MARK3: variants seen among roughly 807,000 people sequenced by gnomAD.
The protein encoded by MARK3 is MAP/microtubule affinity-regulating kinase 3.
MARK3 carries 46 observed loss-of-function variants against 90.1 expected under a neutral mutation model. That is an observed-to-expected ratio of 0.51 (90% CI 0.40 to 0.65). The LOEUF (loss-of-function observed/expected upper bound fraction) is 0.65. MARK3 is among the 30% of genes least tolerant of loss of function. MARK3 has a pLI of 0.00. For missense variants in MARK3, 818 were observed against 947.2 expected, an observed-to-expected ratio of 0.86 and a Z score of 1.79; for synonymous variants, 321 against 332.6, an observed-to-expected ratio of 0.97 and a Z score of 0.38.
At chr14:103,462,705 A>G (rs890670851) in intron 7 of MARK3, among the ~76,000 whole-genome samples, 1 of 152,216 alleles carries the variant, frequency 6.6e-6, no homozygotes, top group African/African-American at 2.4e-5. Context: ...CAGTCATCAC[A>G]CAGCCAAACA....
chr14:103,466,737 G>A (rs1024204337), intron 10 of MARK3, among the ~76,000 whole-genome samples: 1 of 152,186 alleles, frequency 6.6e-6, no homozygotes, highest in African/African-American at 2.4e-5. Context: ...GGGCGTGGTG[G>A]CTCACGCCTG....
intron 13 of MARK3, among the ~76,000 whole-genome samples, chr14:103,477,962 A>G (rs1365130178): frequency 6.7e-6 from 1 of 149,498 alleles, no homozygotes; most frequent in Non-Finnish European, 1.5e-5. Context: ...TCACATCACC[A>G]TATTCCAGCC....
intron 1 of MARK3, among the ~76,000 whole-genome samples, chr14:103,392,160 G>A (rs1566755154): frequency 6.6e-6 from 1 of 152,154 alleles, no homozygotes; most frequent in African/African-American, 2.4e-5. Flanking sequence ...CTGTTGTCTA[G>A]TCAGTCATCG....
intron 12 of MARK3, among the ~76,000 whole-genome samples, chr14:103,471,868 G>T (rs1017674135): frequency 6.6e-6 from 1 of 152,052 alleles, no homozygotes; most frequent in African/African-American, 2.4e-5. Context: ...AATTAATTTG[G>T]ATCAATTTCT....
Position 103,462,450 on chromosome 14 carries a change from C to A in MARK3, c.529C>A (p.Arg177=). The A allele has an allele frequency of 6.2e-7, 1 of 1,603,618 alleles. No individual in the cohort carries two copies. The change falls in exon 7 of 18, where the codon CGA becomes AGA. Residue 177 remains arginine, a synonymous_variant. Transcript: ENST00000429436. ...CTGCCATCAGAAACGGATCGTACAT[C>A]GAGACCTCAAGGTGAGTAGAAGTGC... The part of the protein sequence containing the change: ...QYCHQKRIVH[R]DLKAENLLLD...
Position 103,431,098 on chromosome 14 carries a change from G to GT in MARK3, c.297+2665dup, listed in dbSNP as rs539349072. On this transcript the variant is annotated intron_variant, in intron 3 of 17. Coordinates refer to ENST00000429436, the MANE Select transcript of MARK3 (RefSeq NM_001128918.3). ...TGTTTGTTCGTTTGTTTTTGTTTTTGTTTTTTTGAGATGGAGTCTCGCTCT... is the reference window on the plus strand; with the variant it reads ...TGTTTGTTCGTTTGTTTTTGTTTTTGTTTTTTTTGAGATGGAGTCTCGCTCT... Among the ~76,000 whole-genome samples, 134 of 151,896 alleles carry GT rather than the reference G, an allele frequency of 8.8e-4. 1 individual carries two copies. The highest frequency in any genetic ancestry group is 3.1e-3 in the African/African-American group (127 of 41,420).
intron 2 of MARK3, among the ~76,000 whole-genome samples, chr14:103,413,366 G>A (rs1167529592): frequency 2.0e-5 from 3 of 150,340 alleles, no homozygotes; most frequent in Non-Finnish European, 4.4e-5. Flanking sequence ...TTGCATTTGG[G>A]AAACTTTTGA....
At chr14:103,412,513 C>T (rs1447737869) in intron 2 of MARK3, 6 of 521,702 alleles carry the variant, frequency 1.2e-5, no homozygotes, top group Middle Eastern at 5.7e-4. Context: ...CCTCAGTGTC[C>T]ACTTGGGGGG....
chr14:103,474,447 G>A (rs1283079888), intron 12 of MARK3, among the ~76,000 whole-genome samples: 4 of 121,308 alleles, frequency 3.3e-5, no homozygotes, highest in East Asian at 2.7e-4. Context: ...GACCTCCACC[G>A]ACTTCCTCCC....
intron 14 of MARK3, 46 bp from the exon 15 acceptor site, chr14:103,491,731 T>A: frequency 6.3e-7 from 1 of 1,591,658 alleles, no homozygotes; most frequent in Non-Finnish European, 8.6e-7. Flanking sequence ...GACTGTAAAT[T>A]TTTGTATATC....
intron 2 of MARK3, chr14:103,412,207 G>T: frequency 1.0e-6 from 1 of 981,812 alleles, no homozygotes; most frequent in Non-Finnish European, 1.6e-6. Context: ...GTGACACCAA[G>T]AAGTTAACAG....
At chr14:103,434,829 G>A (rs2092675946) in intron 3 of MARK3, among the ~76,000 whole-genome samples, 1 of 152,134 alleles carries the variant, frequency 6.6e-6, no homozygotes, top group African/African-American at 2.4e-5. Flanking sequence ...TAATATTTTA[G>A]CAGCGTTTTT....
intron 14 of MARK3, among the ~76,000 whole-genome samples, chr14:103,487,557 A>G (rs2093951604): frequency 6.6e-6 from 1 of 152,018 alleles, no homozygotes; most frequent in East Asian, 2.0e-4. Context: ...CTTTGGGACC[A>G]TTTGTATTCA....
At chr14:103,390,854 G>T (rs972429854) in intron 1 of MARK3, among the ~76,000 whole-genome samples, 1 of 151,966 alleles carries the variant, frequency 6.6e-6, no homozygotes, top group East Asian at 1.9e-4. Context: ...GACTACAGGC[G>T]TGCCCCACCA....
At chr14:103,488,113 A>G (rs1309400922) in intron 14 of MARK3, among the ~76,000 whole-genome samples, 1 of 152,146 alleles carries the variant, frequency 6.6e-6, no homozygotes, top group Non-Finnish European at 1.5e-5. Flanking sequence ...TGTACAAGAA[A>G]CAACCGAGCA....
At chr14:103,435,911 G>A (rs1026678682) in intron 3 of MARK3, among the ~76,000 whole-genome samples, 1 of 151,816 alleles carries the variant, frequency 6.6e-6, no homozygotes, top group African/African-American at 2.4e-5. Context: ...TTATTTATGA[G>A]ACGGAGTCTC....
chr14:103,474,811 A>G (rs1380082766), intron 12 of MARK3, among the ~76,000 whole-genome samples, 182 bp from the exon 13 acceptor site: 1 of 152,202 alleles, frequency 6.6e-6, no homozygotes, highest in African/African-American at 2.4e-5. Context: ...TGAAATTTCA[A>G]TATTGAATTC....
intron 2 of MARK3, among the ~76,000 whole-genome samples, chr14:103,414,210 T>C (rs909376474): frequency 7.9e-5 from 12 of 151,512 alleles, no homozygotes; most frequent in Admixed American, 5.3e-4. Flanking sequence ...TTCTTTCTTT[T>C]TTTTTTTTTT....
chr14:103,400,303 A>G (rs2090875203), intron 1 of MARK3, among the ~76,000 whole-genome samples: 1 of 152,128 alleles, frequency 6.6e-6, no homozygotes, highest in South Asian at 2.1e-4. Flanking sequence ...ACTTTAACTA[A>G]TGAGAACTGG....
Sources: gnomAD v4.1 joint callset for allele counts (sites outside exome capture counted in the v4.1 genomes callset) on GRCh38, gnomAD v4.1.1 for gene constraint, MANE v1.5 for transcripts, NCBI Gene and HGNC (gene_info 2026-07-23, HGNC 2026-07-21) for gene names.